WASF1: variants seen among roughly 807,000 people sequenced by gnomAD.
WASF1 encodes the protein WASP family member 1, also known as actin-binding protein WASF1.
In WASF1, 7 loss-of-function variants were observed where a neutral mutation model predicts 50.5. The ratio of observed to expected loss-of-function variants is 0.14; its 90% CI spans 0.08 to 0.26. The LOEUF (loss-of-function observed/expected upper bound fraction) is 0.26, where lower values mean the gene tolerates loss of function less well. Ranked by LOEUF, WASF1 falls within the 10% of genes least tolerant of loss-of-function variation. The probability of loss-of-function intolerance (pLI) is 1.00; values close to 1 mark genes in which losing one functional copy is unlikely to be tolerated. For synonymous variants in WASF1, 205 were observed against 244.0 expected (o/e 0.84, Z 1.49); for missense variants, 470 against 694.7 (o/e 0.68, Z 3.64).
At chr6:110,170,821 T>C (rs1480854303) in intron 2 of WASF1, among the ~76,000 whole-genome samples, 1 of 152,028 alleles carries the variant, frequency 6.6e-6, no homozygotes, top group Non-Finnish European at 1.5e-5. Flanking sequence ...ACAAAGTAGG[T>C]TTCTGAGCGA....
At chr6:110,165,015 T>G (rs1217316178) in intron 2 of WASF1, among the ~76,000 whole-genome samples, 2 of 151,534 alleles carry the variant, frequency 1.3e-5, no homozygotes, top group African/African-American at 4.8e-5. Flanking sequence ...GGTGAAAAGA[T>G]TAGTGGTTTC....
chr6:110,136,712 G>A (rs1774984568), intron 3 of WASF1, among the ~76,000 whole-genome samples: 1 of 152,138 alleles, frequency 6.6e-6, no homozygotes, highest in Non-Finnish European at 1.5e-5. Flanking sequence ...TTTTAAACAT[G>A]TCTCTTCACA....
intron 2 of WASF1, among the ~76,000 whole-genome samples, chr6:110,165,808 C>T (rs1022576977): frequency 1.1e-4 from 17 of 151,700 alleles, no homozygotes; most frequent in African/African-American, 3.9e-4. Context: ...TGGTATCACC[C>T]CTGAACTTCT....
At chr6:110,126,347 A>G (rs954426374) in intron 4 of WASF1, among the ~76,000 whole-genome samples, 8 of 152,222 alleles carry the variant, frequency 5.3e-5, no homozygotes, top group African/African-American at 1.9e-4. Flanking sequence ...AACAAGGAAT[A>G]TACTTAAAAT....
chr6:110,138,796 G>A (rs915462816), intron 3 of WASF1, among the ~76,000 whole-genome samples: 8 of 152,306 alleles, frequency 5.3e-5, no homozygotes, highest in Non-Finnish European at 7.3e-5. Flanking sequence ...GTCCATAGGC[G>A]GCCATGGGTG....
Position 110,174,577 on chromosome 6 carries a change from G to A in WASF1, c.-127+4021C>T, listed in dbSNP as rs138834419. On this transcript the variant is annotated intron_variant, in intron 2 of 10. Transcript: ENST00000392589. ...CAGTTCTGAAACAATCTGGGCTTCCGCTAGGCAGAACAAACAACTTGTTCA... is the reference window on the plus strand; with the variant it reads ...CAGTTCTGAAACAATCTGGGCTTCCACTAGGCAGAACAAACAACTTGTTCA... Among the ~76,000 whole-genome samples, 64 of 152,232 alleles carry A rather than the reference G, an allele frequency of 4.2e-4. No homozygotes were observed. The East Asian group carries it at 0.012, about 29-fold the overall frequency.
intron 3 of WASF1, among the ~76,000 whole-genome samples, chr6:110,128,435 G>A (rs915873575): frequency 2.0e-5 from 3 of 152,150 alleles, no homozygotes; most frequent in Non-Finnish European, 4.4e-5. Flanking sequence ...CACACAAAAT[G>A]TATCAGGTGT....
chr6:110,115,593 C>A (rs77115240), intron 4 of WASF1, among the ~76,000 whole-genome samples: 4,905 of 152,272 alleles, frequency 0.032, 99 homozygotes, highest in Middle Eastern at 0.051. Flanking sequence ...GTCCACTTGC[C>A]CGCAAACATG....
intron 3 of WASF1, among the ~76,000 whole-genome samples, chr6:110,139,001 C>T (rs111568287): frequency 0.018 from 2,742 of 152,308 alleles, 30 homozygotes; most frequent in Non-Finnish European, 0.028. Context: ...TGAGAGATGC[C>T]TTCAGGCCTG....
At chr6:110,176,779 G>A (rs975978872) in intron 2 of WASF1, among the ~76,000 whole-genome samples, 3 of 151,934 alleles carry the variant, frequency 2.0e-5, no homozygotes, top group Non-Finnish European at 2.9e-5. Context: ...CCCAAGTGAC[G>A]GTGTCAGCTA....
intron 3 of WASF1, among the ~76,000 whole-genome samples, chr6:110,140,553 T>A (rs1420346504): frequency 1.3e-5 from 2 of 152,054 alleles, no homozygotes; most frequent in East Asian, 3.9e-4. Context: ...ATCTATGGGA[T>A]CTGACACTAT....
At chr6:110,152,820 G>T (rs1209970559) in intron 3 of WASF1, among the ~76,000 whole-genome samples, 1 of 152,172 alleles carries the variant, frequency 6.6e-6, no homozygotes, top group African/African-American at 2.4e-5. Context: ...TGTAAAATTT[G>T]ATTAGGTTTA....
chr6:110,112,343 C>G (rs1227056804), intron 5 of WASF1, among the ~76,000 whole-genome samples: 2 of 151,906 alleles, frequency 1.3e-5, no homozygotes, highest in African/African-American at 2.4e-5. Context: ...TATTGCATTT[C>G]TTTTTGTGAA....
chr6:110,162,640 A>C (rs187146086), intron 2 of WASF1, among the ~76,000 whole-genome samples: 3 of 151,490 alleles, frequency 2.0e-5, no homozygotes, highest in Non-Finnish European at 4.4e-5. Context: ...TATCGTATCA[A>C]CAGGCTAAAG....
rs140434743 is a variant in WASF1 at position 110,155,012 on chromosome 6, T to C, written c.-29+5623A>G. On this transcript the variant is annotated intron_variant, in intron 3 of 10. Transcript: ENST00000392589. ...AATGGGACAGCTAGTATTAATGAAA[T>C]AGATACTTCTGAAAGAGATACCTTC... Among the ~76,000 whole-genome samples the C allele has an allele frequency of 1.9e-3, 283 of 152,134 alleles. 1 individual carries two copies. Among genetic ancestry groups the C allele is most frequent in the Middle Eastern group, 0.01 (3 of 294 alleles).
chr6:110,162,856 A>G (rs1457634940), intron 2 of WASF1, among the ~76,000 whole-genome samples: 1 of 151,720 alleles, frequency 6.6e-6, no homozygotes, highest in Non-Finnish European at 1.5e-5. Flanking sequence ...AGACAAGGAA[A>G]GGATGTTCCC....
intron 4 of WASF1, among the ~76,000 whole-genome samples, chr6:110,120,500 A>C (rs527849660): frequency 9.2e-4 from 133 of 143,890 alleles, no homozygotes; most frequent in Admixed American, 1.3e-3. Context: ...GACCTCTTCA[A>C]GGAGAACTAC....
intron 3 of WASF1, among the ~76,000 whole-genome samples, chr6:110,140,575 T>TA (rs1299742880): frequency 6.6e-6 from 1 of 152,150 alleles, no homozygotes; most frequent in African/African-American, 2.4e-5. Context: ...TCCAGGTAGA[T>TA]AGTGTCAGAA....
chr6:110,134,735 A>G (rs917044376), intron 3 of WASF1, among the ~76,000 whole-genome samples: 1 of 151,998 alleles, frequency 6.6e-6, no homozygotes, highest in African/African-American at 2.4e-5. Flanking sequence ...CTATGTGCCT[A>G]TTTTTATACC....
Sources: gnomAD v4.1 joint callset for allele counts (sites outside exome capture counted in the v4.1 genomes callset) on GRCh38, gnomAD v4.1.1 for gene constraint, MANE v1.5 for transcripts, NCBI Gene and HGNC (gene_info 2026-07-23, HGNC 2026-07-21) for gene names.